The following AK5 variants were observed in gnomAD, a reference collection of about 807,000 sequenced individuals.
AK5 encodes the protein adenylate kinase 5.
AK5 carries 27 observed loss-of-function variants against 69.5 expected under a neutral mutation model. That is an observed-to-expected ratio of 0.39 (90% confidence interval 0.29 to 0.54). The LOEUF (loss-of-function observed/expected upper bound fraction) is 0.54, where lower values mean the gene tolerates loss of function less well. AK5 is among the 20% of genes least tolerant of loss of function. The pLI, the probability that AK5 is intolerant of heterozygous loss-of-function variation, is 0.71. For synonymous variants in AK5, 260 were observed against 244.4 expected (o/e 1.06, Z -0.60); for missense variants, 531 against 700.4 (o/e 0.76, Z 2.73).
chr1:77,556,493 A>G (rs1328669511), intron 13 of AK5, among the ~76,000 whole-genome samples: 1 of 152,206 alleles, frequency 6.6e-6, no homozygotes, highest in African/African-American at 2.4e-5. Context: ...TAATTACTAT[A>G]GTATTCCATT....
At position 77,477,003 on chromosome 1, in the gene AK5, A is replaced by AGTGTGTGTGT. The variant is rs10625085; in HGVS notation, c.1060-6296_1060-6287dup. ...TGATCTATTTTTGATTGTTCTTTTT[A>AGTGTGTGTGT]GTGTGTGTGTGTGTGTGTGTGTGTG... On this transcript the variant is annotated intron_variant, in intron 8 of 13. Transcript: ENST00000354567. Among the ~76,000 whole-genome samples, 605 of 147,080 alleles carry AGTGTGTGTGT rather than the reference A, an allele frequency of 4.1e-3. 4 individuals carry two copies. The highest frequency in any genetic ancestry group is 0.012 in the African/African-American group (467 of 39,954).
At chr1:77,301,943 C>G (rs1659364438) in intron 5 of AK5, among the ~76,000 whole-genome samples, 1 of 109,612 alleles carries the variant, frequency 9.1e-6, no homozygotes, top group Admixed American at 1.2e-4. Flanking sequence ...GACTAATATG[C>G]TATCCTCTCC....
rs557204827 is a variant in AK5 at position 77,486,021 on chromosome 1, A to C, written c.1103-287A>C. Among the ~76,000 whole-genome samples the C allele has an allele frequency of 1.4e-4, 22 of 152,278 alleles. No homozygotes were observed. The South Asian group carries it at 3.9e-3, about 27-fold the overall frequency. ...TCCCAGCTATCCAGGAGCCTGAGAC[A>C]GGAGAATGGCTTGAACCTGAGAGGT... On this transcript the variant is annotated intron_variant, in intron 9 of 13. Coordinates refer to ENST00000354567, the MANE Select transcript of AK5 (RefSeq NM_174858.3).
chr1:77,391,949 A>G (rs944082941), intron 6 of AK5, among the ~76,000 whole-genome samples: 1 of 152,184 alleles, frequency 6.6e-6, no homozygotes, highest in African/African-American at 2.4e-5. Flanking sequence ...CTTTTAAAAG[A>G]TAGAATTAAC....
At chr1:77,437,320 TAAAA>T (rs1490799153) in intron 8 of AK5, among the ~76,000 whole-genome samples, 1 of 152,114 alleles carries the variant, frequency 6.6e-6, no homozygotes, top group Non-Finnish European at 1.5e-5. Context: ...ACATGCAACA[TAAAA>T]ACATACAGAC....
chr1:77,529,791 A>G (rs916793198), intron 12 of AK5, among the ~76,000 whole-genome samples: 3 of 152,226 alleles, frequency 2.0e-5, no homozygotes, highest in Admixed American at 1.3e-4. Flanking sequence ...AACAGAAGTC[A>G]TATTAATGGA....
intron 6 of AK5, among the ~76,000 whole-genome samples, chr1:77,405,398 T>C (rs1649550220): frequency 6.6e-6 from 1 of 152,252 alleles, no homozygotes; most frequent in South Asian, 2.1e-4. Context: ...TGTGCCCCCT[T>C]GGCCTCGGTT....
chr1:77,356,265 G>A (rs1662522440), intron 6 of AK5, among the ~76,000 whole-genome samples: 1 of 152,142 alleles, frequency 6.6e-6, no homozygotes, highest in African/African-American at 2.4e-5. Flanking sequence ...CTTTACTATT[G>A]TATCTCAATC....
In AK5 at chr1:77,416,896, A is replaced by G. The variant is rs555667067; in HGVS notation, c.983-743A>G. On this transcript the variant is annotated intron_variant, in intron 7 of 13. Transcript: ENST00000354567. ...GTCTTTCTGGGTAGTTAGATGATAT[A>G]TATTTCCTAGCAGGAAAGAGTTATT... 5.9e-5 allele frequency among the ~76,000 whole-genome samples: 9 copies of G among 152,248 alleles called. 1 individual carries two copies. The highest frequency in any genetic ancestry group is 2.2e-4 in the African/African-American group (9 of 41,530).
intron 11 of AK5, 147 bp from the exon 12 acceptor site, chr1:77,521,680 A>C: frequency 6.8e-6 from 4 of 588,282 alleles, no homozygotes; most frequent in Non-Finnish European, 1.2e-5. Flanking sequence ...GAGGTGGAAG[A>C]GTGAAATGAA....
At chr1:77,438,311 AAAAAAAAAAAAAAC>A (rs1013010466) in intron 8 of AK5, among the ~76,000 whole-genome samples, 3 of 143,476 alleles carry the variant, frequency 2.1e-5, no homozygotes, top group Admixed American at 6.9e-5. Context: ...AAAAAAAAAA[AAAAAAAAAAAAAAC>A]AAGCTTGGGG....
At chr1:77,477,521 A>G (rs1655021048) in intron 8 of AK5, among the ~76,000 whole-genome samples, 1 of 152,152 alleles carries the variant, frequency 6.6e-6, no homozygotes, top group African/African-American at 2.4e-5. Context: ...ATATGCTAGC[A>G]TTTCATGGTT....
chr1:77,286,477 TA>T (rs1421164529), intron 1 of AK5, among the ~76,000 whole-genome samples: 1 of 151,784 alleles, frequency 6.6e-6, no homozygotes, highest in Non-Finnish European at 1.5e-5. Context: ...ATTTCAACTC[TA>T]ATTGTTTATT....
At chr1:77,542,126 A>G (rs964006347) in intron 13 of AK5, among the ~76,000 whole-genome samples, 1 of 152,154 alleles carries the variant, frequency 6.6e-6, no homozygotes, top group African/African-American at 2.4e-5. Flanking sequence ...CGGCAGTTCG[A>G]GACCAGCCTG....
chr1:77,507,867 TA>T (rs1657115227), intron 10 of AK5, among the ~76,000 whole-genome samples: 4 of 152,318 alleles, frequency 2.6e-5, no homozygotes, highest in Non-Finnish European at 5.9e-5. Flanking sequence ...CCTTTTTTAT[TA>T]TGAAAATATT....
chr1:77,359,839 C>A (rs1475321309), intron 6 of AK5, among the ~76,000 whole-genome samples: 2 of 152,252 alleles, frequency 1.3e-5, no homozygotes, highest in East Asian at 3.9e-4. Flanking sequence ...TTTTTTCCTG[C>A]CTTCATGAAG....
At chr1:77,320,436 T>C (rs1242483021) in intron 5 of AK5, among the ~76,000 whole-genome samples, 1 of 152,072 alleles carries the variant, frequency 6.6e-6, no homozygotes, top group East Asian at 1.9e-4. Context: ...AAAACGCAGA[T>C]TGAAAGTAAA....
intron 6 of AK5, among the ~76,000 whole-genome samples, chr1:77,368,365 T>C (rs901293798): frequency 1.3e-4 from 17 of 135,986 alleles, no homozygotes; most frequent in African/African-American, 3.7e-4. Context: ...TGTATATATA[T>C]ACACACACAC....
chr1:77,396,232 A>G (rs577026861), intron 6 of AK5, among the ~76,000 whole-genome samples: 2 of 152,342 alleles, frequency 1.3e-5, no homozygotes, highest in South Asian at 2.1e-4. Flanking sequence ...AAGGATTTTT[A>G]AATCTATTTG....
Sources: gnomAD v4.1 joint callset for allele counts (sites outside exome capture counted in the v4.1 genomes callset) on GRCh38, gnomAD v4.1.1 for gene constraint, MANE v1.5 for transcripts, NCBI Gene and HGNC (gene_info 2026-07-23, HGNC 2026-07-21) for gene names.